Variants in ERG observed in about 807,000 individuals in gnomAD.
The protein encoded by ERG is transcriptional regulator ERG.
In ERG, 9 loss-of-function variants were observed where a neutral mutation model predicts 55.3. That is an observed-to-expected ratio of 0.16 (90% CI 0.10 to 0.28). ERG has a LOEUF of 0.28. Ranked by LOEUF, ERG falls within the 10% of genes least tolerant of loss-of-function variation. The pLI is 1.00. For synonymous variants in ERG, 223 were observed against 237.3 expected, an observed-to-expected ratio of 0.94 and a Z score of 0.55; for missense variants, 434 against 631.6, an observed-to-expected ratio of 0.69 and a Z score of 3.35.
intron 1 of ERG, chr21:38,451,329 T>G (rs911793330): frequency 4.8e-6 from 2 of 421,010 alleles, no homozygotes; most frequent in Non-Finnish European, 9.4e-6. Context: ...AGTTAATCAT[T>G]TCTTTTGCAA....
intron 1 of ERG, among the ~76,000 whole-genome samples, chr21:38,455,020 C>T (rs76002302): frequency 0.015 from 2,350 of 152,112 alleles, 72 homozygotes; most frequent in African/African-American, 0.052. Flanking sequence ...CACTCCCCAG[C>T]GTGCTGTTGG....
upstream of ERG, among the ~76,000 whole-genome samples, chr21:38,585,494 C>A (rs888169810): frequency 2.9e-5 from 4 of 139,958 alleles, no homozygotes; most frequent in African/African-American, 1.0e-4. Flanking sequence ...TACAATATGC[C>A]TGTAGCACGG....
At chr21:38,465,480 C>T (rs559816376) in intron 1 of ERG, among the ~76,000 whole-genome samples, 45 of 152,274 alleles carry the variant, frequency 3.0e-4, no homozygotes, top group South Asian at 6.2e-4. Flanking sequence ...ATGTTGGATA[C>T]ATGTAAATAT....
chr21:38,480,370 G>C (rs527287105), intron 1 of ERG, among the ~76,000 whole-genome samples: 134 of 152,196 alleles, frequency 8.8e-4, no homozygotes, highest in African/African-American at 3.2e-3. Flanking sequence ...GGAGCTGGAG[G>C]AGGCACCAGA....
intron 1 of ERG, among the ~76,000 whole-genome samples, chr21:38,597,149 T>G (rs2060136079): frequency 6.6e-6 from 1 of 152,186 alleles, no homozygotes; most frequent in African/African-American, 2.4e-5. Context: ...GACTTGCCAG[T>G]CTACAATTGT....
chr21:38,609,115 T>G (rs554594988), intron 1 of ERG, among the ~76,000 whole-genome samples: 1 of 152,214 alleles, frequency 6.6e-6, no homozygotes, highest in East Asian at 1.9e-4. Flanking sequence ...TTTAAGTGAT[T>G]AAAGGAGACT....
At chr21:38,521,518 C>A (rs1351004703) in intron 2 of ERG, among the ~76,000 whole-genome samples, 1 of 152,072 alleles carries the variant, frequency 6.6e-6, no homozygotes, top group Admixed American at 6.5e-5. Flanking sequence ...AAGCATAGAG[C>A]TTAAATTTAG....
intron 6 of ERG, 39 bp downstream of exon 6, chr21:38,400,535 G>A (rs369652243): frequency 9.5e-6 from 14 of 1,480,948 alleles, no homozygotes; most frequent in Non-Finnish European, 1.3e-5. Flanking sequence ...CATCTGGGAT[G>A]TCTCTCAATG....
intron 2 of ERG, among the ~76,000 whole-genome samples, chr21:38,570,414 C>T (rs921751787): frequency 2.6e-5 from 4 of 152,128 alleles, no homozygotes; most frequent in Admixed American, 6.6e-5. Flanking sequence ...CTACAAAGCG[C>T]GTTCTGTTTT....
intron 1 of ERG, among the ~76,000 whole-genome samples, chr21:38,607,620 C>G (rs2146922871): frequency 6.6e-6 from 1 of 151,870 alleles, no homozygotes. Flanking sequence ...GCCTGGGCGA[C>G]AGAGCCAGAC....
chr21:38,381,029 C>T lies in ERG; in HGVS notation c.*2374G>A. ...TATTTTCCCTAAGGAGATACGGGCA[C>T]TTTGTGGGCCTTCCCAGGCTGCTGC... On this transcript the variant is annotated 3_prime_UTR_variant, in exon 10 of 10. Coordinates refer to ENST00000288319, the MANE Select transcript of ERG (RefSeq NM_182918.4). 1 of 1,064,532 alleles carries T rather than the reference C, an allele frequency of 9.4e-7. No homozygotes were observed. Among genetic ancestry groups the T allele is most frequent in the Non-Finnish European group, 1.1e-6 (1 of 878,798 alleles). 65.9% of individuals were successfully genotyped at this position (1,064,532 alleles called of 1,614,324 possible).
chr21:38,491,803 A>G (rs1228832132), intron 1 of ERG, among the ~76,000 whole-genome samples: 1 of 152,218 alleles, frequency 6.6e-6, no homozygotes, highest in Non-Finnish European at 1.5e-5. Flanking sequence ...GGAAATTTAA[A>G]TCAGCAGCTG....
At chr21:38,525,589 A>G (rs2059624430) in intron 2 of ERG, among the ~76,000 whole-genome samples, 1 of 152,048 alleles carries the variant, frequency 6.6e-6, no homozygotes, top group African/African-American at 2.4e-5. Flanking sequence ...TCATTTCTCT[A>G]CCTCATCCCC....
chr21:38,625,532 G>A (rs894998828), intron 1 of ERG, among the ~76,000 whole-genome samples: 2 of 152,062 alleles, frequency 1.3e-5, no homozygotes, highest in Non-Finnish European at 2.9e-5. Flanking sequence ...ATCCCTTAGG[G>A]AACATTTTCT....
chr21:38,502,180 A>T (rs2059425952), upstream of ERG, among the ~76,000 whole-genome samples: 1 of 152,236 alleles, frequency 6.6e-6, no homozygotes, highest in African/African-American at 2.4e-5. Context: ...TCCCTGCCCT[A>T]TACATCCCTA....
At chr21:38,550,393 T>G (rs560039003) in intron 2 of ERG, among the ~76,000 whole-genome samples, 7 of 152,082 alleles carry the variant, frequency 4.6e-5, no homozygotes, top group Non-Finnish European at 8.8e-5. Context: ...AATTCATGGG[T>G]TTAAATCCTT....
chr21:38,472,341 C>T (rs751135203), intron 1 of ERG, among the ~76,000 whole-genome samples: 1 of 152,136 alleles, frequency 6.6e-6, no homozygotes, highest in Non-Finnish European at 1.5e-5. Flanking sequence ...AAGTCAATGA[C>T]GGGATTATAC....
intron 2 of ERG, among the ~76,000 whole-genome samples, chr21:38,522,260 G>A (rs989749803): frequency 2.6e-5 from 4 of 151,100 alleles, no homozygotes; most frequent in East Asian, 3.9e-4. Context: ...AATGAGATTT[G>A]TACTTTTTCT....
chr21:38,580,913 C>A (rs1037311629), intron 1 of ERG, among the ~76,000 whole-genome samples: 2 of 152,220 alleles, frequency 1.3e-5, no homozygotes, highest in African/African-American at 4.8e-5. Flanking sequence ...GACCCTACCC[C>A]TCCTCTCTTC....
Sources: allele counts gnomAD v4.1 joint callset (sites outside exome capture counted in the v4.1 genomes callset), GRCh38; gene constraint gnomAD v4.1.1; transcripts MANE v1.5; gene names NCBI Gene and HGNC (gene_info 2026-07-23, HGNC 2026-07-21).